PCDHGA5: variants seen among roughly 807,000 people sequenced by gnomAD.
PCDHGA5 encodes protocadherin gamma-A5.
A neutral mutation model predicts 56.7 loss-of-function variants in PCDHGA5; 36 were observed. The ratio of observed to expected loss-of-function variants is 0.64; its 90% CI spans 0.49 to 0.84. The LOEUF (loss-of-function observed/expected upper bound fraction) is 0.84. Among genes scored for constraint, PCDHGA5 ranks in the 40% least tolerant of loss-of-function variants. PCDHGA5 has a pLI of 0.00. For missense variants in PCDHGA5, 1,305 were observed against 1,201.5 expected, an observed-to-expected ratio of 1.09 and a Z score of -1.27; for synonymous variants, 563 against 520.2, an observed-to-expected ratio of 1.08 and a Z score of -1.12.
chr5:141,400,803 A>G, intron 1 of PCDHGA5: 1 of 556,958 alleles, frequency 1.8e-6, no homozygotes, highest in South Asian at 2.5e-5. Context: ...CTCAAAGCTA[A>G]TGAATTTTAC....
At chr5:141,423,460 G>A in intron 1 of PCDHGA5, 1 of 1,614,046 alleles carries the variant, frequency 6.2e-7, no homozygotes, top group Non-Finnish European at 8.5e-7. Context: ...TGTAGGCGTG[G>A]ACGGGGTACA....
Position 141,460,747 on chromosome 5 carries a change from G to A in PCDHGA5, c.2422-34060G>A, listed in dbSNP as rs148154304. On this transcript the variant is annotated intron_variant, in intron 1 of 3. Transcript: ENST00000518069. ...GCATATATACACATTGTATATATAT[G>A]TGTACATATACATATTGCATATGTA... Among the ~76,000 whole-genome samples, 351 of 151,000 alleles carry A rather than the reference G, an allele frequency of 2.3e-3. 2 individuals are homozygous for A. The highest frequency in any genetic ancestry group is 6.8e-3 in the Middle Eastern group (2 of 294).
chr5:141,403,753 C>T lies in PCDHGA5; in HGVS notation c.2421+37002C>T, dbSNP rs767515334. 1.5e-5 allele frequency: 25 copies of T among 1,613,504 alleles called. No homozygotes were observed. In the South Asian group the frequency reaches 2.6e-4, roughly 17 times the overall value. On this transcript the variant is annotated intron_variant, in intron 1 of 3. Transcript: ENST00000518069. ...CCTGGCTGCTTACTGCAACAGCCAG[C>T]GACCTGGATGAGGGAATCAACGGAA...
chr5:141,455,158 T>TG (rs1279537888), intron 1 of PCDHGA5, among the ~76,000 whole-genome samples: 46 of 145,032 alleles, frequency 3.2e-4, no homozygotes, highest in African/African-American at 1.0e-3. Flanking sequence ...ATTAGTTTGT[T>TG]GGTTTTTTTT....
chr5:141,460,511 A>G (rs533913282), intron 1 of PCDHGA5, among the ~76,000 whole-genome samples: 2 of 152,286 alleles, frequency 1.3e-5, no homozygotes, highest in Admixed American at 1.3e-4. Context: ...TGAGAAGGCT[A>G]TCTTTTCCCC....
chr5:141,421,359 C>A (rs2096566292), intron 1 of PCDHGA5: 6 of 1,614,012 alleles, frequency 3.7e-6, no homozygotes, highest in Non-Finnish European at 5.1e-6. Context: ...AAAAGGGCTC[C>A]TTCGTGGGCA....
At chr5:141,404,100 T>G in intron 1 of PCDHGA5, 1 of 1,613,618 alleles carries the variant, frequency 6.2e-7, no homozygotes, top group African/African-American at 1.3e-5. Context: ...GGTCAAGTTG[T>G]CTGTTCTATC....
chr5:141,462,268 A>C (rs982301403), intron 1 of PCDHGA5, among the ~76,000 whole-genome samples: 3 of 152,196 alleles, frequency 2.0e-5, no homozygotes, highest in African/African-American at 7.2e-5. Flanking sequence ...CCTAAAGTGT[A>C]TTGTTTAGTC....
chr5:141,383,734 T>C (rs1249029357), intron 1 of PCDHGA5: 2 of 1,613,994 alleles, frequency 1.2e-6, no homozygotes, highest in East Asian at 4.5e-5. Context: ...GGAAGTGACA[T>C]ATTCTTTTCG....
Position 141,364,729 on chromosome 5 carries a change from C to A in PCDHGA5, c.399C>A (p.Phe133Leu). The A allele has an allele frequency of 1.2e-6, 2 of 1,613,898 alleles. No individual in the cohort carries two copies. Among genetic ancestry groups the A allele is most frequent in the Non-Finnish European group, 1.7e-6 (2 of 1,179,862 alleles). The change falls in exon 1 of 4, where the codon TTC becomes TTA. Residue 133 changes from phenylalanine (F) to leucine (L), a missense_variant. Physicochemically the swap from Phe to Leu is conservative, Grantham distance 22 (BLOSUM62 0). Coordinates refer to ENST00000518069, the MANE Select transcript of PCDHGA5 (RefSeq NM_018918.3). ...ATATTAATGATAACTTCCCGCGTTTCCGGGATGAAGAGTTAAAAGTAAAAG... is the reference window on the plus strand; with the variant it reads ...ATATTAATGATAACTTCCCGCGTTTACGGGATGAAGAGTTAAAAGTAAAAG... ...IIDINDNFPRFRDEELKVKVN... is the reference protein window; with the variant it reads ...IIDINDNFPRLRDEELKVKVN...
At chr5:141,508,124 G>C (rs1248096612) in intron 3 of PCDHGA5, 1 of 152,640 alleles carries the variant, frequency 6.6e-6, no homozygotes, top group Non-Finnish European at 1.5e-5. Flanking sequence ...AGGACAGAGG[G>C]AGGTCAGGGA....
chr5:141,433,277 T>G, intron 1 of PCDHGA5: 1 of 1,231,982 alleles, frequency 8.1e-7, no homozygotes. Flanking sequence ...CACTGCAGCC[T>G]CAAACTCCTA....
At position 141,431,427 on chromosome 5, in the gene PCDHGA5, C is replaced by G. The variant is rs1269666597; in HGVS notation, c.2422-63380C>G. The stretch of plus-strand genomic sequence containing the variant: ...TCCGACGGGGGCGACCCGGTGCGCA[C>G]AGGCACCGCGCGCATCCGCGTGATG... On this transcript the variant is annotated intron_variant, in intron 1 of 3. Transcript: ENST00000518069. The surrounding 1 kb of genome is among the most constrained non-coding windows in gnomAD (Gnocchi z 4.8). 1.2e-6 allele frequency: 2 copies of G among 1,613,584 alleles called. No homozygotes were observed.
chr5:141,506,584 G>A (rs1413313164), intron 3 of PCDHGA5, among the ~76,000 whole-genome samples: 1 of 152,098 alleles, frequency 6.6e-6, no homozygotes, highest in African/African-American at 2.4e-5. Context: ...ACTATTAATG[G>A]GCACAGTATT....
chr5:141,512,395 C>T lies in PCDHGA5; in HGVS notation c.*1222C>T, dbSNP rs1229077213. ...ACCAAATGAACAGAAAGTCTCAGCCCAGGATGGGGCTTCTTCAACAGGGCC... is the reference window on the plus strand; with the variant it reads ...ACCAAATGAACAGAAAGTCTCAGCCTAGGATGGGGCTTCTTCAACAGGGCC... On this transcript the variant is annotated 3_prime_UTR_variant, in exon 4 of 4. Coordinates refer to ENST00000518069, the MANE Select transcript of PCDHGA5 (RefSeq NM_018918.3). 1 of 152,690 alleles carries T rather than the reference C, an allele frequency of 6.5e-6. No individual in the cohort carries two copies. Among genetic ancestry groups the T allele is most frequent in the Non-Finnish European group, 1.5e-5 (1 of 68,072 alleles). The allele number at this position is 152,690 out of a possible 1,614,324, so 9.5% of individuals were successfully genotyped here.
At chr5:141,509,669 G>GAGAA (rs2099877764) in intron 3 of PCDHGA5, among the ~76,000 whole-genome samples, 1 of 152,180 alleles carries the variant, frequency 6.6e-6, no homozygotes, top group African/African-American at 2.4e-5. Flanking sequence ...CTGGGCCCCA[G>GAGAA]TTTCTTCTTC....
Position 141,366,250 on chromosome 5 carries a change from G to A in PCDHGA5, c.1920G>A (p.Gln640=), listed in dbSNP as rs1476743784. ...TGCTGGACAGAGACGCGCTCAAGCA[G>A]AGCCTCGTGGTGGCCGTCGAAGACC... The part of the protein sequence containing the change: ...RALLDRDALK[Q]SLVVAVEDHG... The change falls in exon 1 of 4, where the codon CAG becomes CAA. Residue 640 remains glutamine, a synonymous_variant. Transcript: ENST00000518069. 1 of 1,613,746 alleles carries A rather than the reference G, an allele frequency of 6.2e-7. No homozygotes were observed. The highest frequency in any genetic ancestry group is 8.5e-7 in the Non-Finnish European group (1 of 1,180,028).
chr5:141,412,998 T>G, intron 1 of PCDHGA5: 1 of 586,036 alleles, frequency 1.7e-6, no homozygotes, highest in Non-Finnish European at 2.9e-6. Context: ...ATCCGGATTC[T>G]CAGGGCTTCA....
chr5:141,422,661 C>T (rs1289162498), intron 1 of PCDHGA5: 7 of 1,608,938 alleles, frequency 4.4e-6, no homozygotes, highest in Admixed American at 1.7e-5. Flanking sequence ...TGACCGCCCT[C>T]GACCCGGACA....
Sources: gnomAD v4.1 joint callset for allele counts (sites outside exome capture counted in the v4.1 genomes callset) on GRCh38, gnomAD v4.1.1 for gene constraint, Gnocchi (gnomAD v3.1) non-coding constraint, MANE v1.5 for transcripts, NCBI Gene and HGNC (gene_info 2026-07-23, HGNC 2026-07-21) for gene names.